PATJ: variants seen among roughly 807,000 people sequenced by gnomAD.
PATJ encodes the protein PATJ crumbs cell polarity complex component, also known as inaD-like protein.
Under a neutral mutation model 224.9 loss-of-function variants are expected in PATJ, and 190 were observed. The ratio of observed to expected loss-of-function variants is 0.84; its 90% CI spans 0.75 to 0.95. The LOEUF is 0.95. Ranked by LOEUF, PATJ falls within the 40% of genes least tolerant of loss-of-function variation. PATJ has a pLI of 0.00. For missense variants in PATJ, 2,121 were observed against 2,270.3 expected, an observed-to-expected ratio of 0.93 and a Z score of 1.34; for synonymous variants, 769 against 820.3, an observed-to-expected ratio of 0.94 and a Z score of 1.07.
At chr1:62,049,979 G>A (rs937182490) in intron 30 of PATJ, among the ~76,000 whole-genome samples, 2 of 152,042 alleles carry the variant, frequency 1.3e-5, no homozygotes, top group East Asian at 3.9e-4. Flanking sequence ...TAGCCCGTGT[G>A]GTGGCATGCA....
chr1:62,023,234 G>T, intron 29 of PATJ, among the ~76,000 whole-genome samples: 1 of 150,350 alleles, frequency 6.7e-6, no homozygotes, highest in Non-Finnish European at 1.5e-5. Context: ...AGGTTGCAGT[G>T]AGCCGAGATC....
Position 62,153,345 on chromosome 1 carries a change from A to C in PATJ, c.5379-13A>C. 2.4e-6 allele frequency: 3 copies of C among 1,230,252 alleles called. No homozygotes were observed. Among genetic ancestry groups the C allele is most frequent in the Non-Finnish European group, 3.0e-6 (3 of 986,322 alleles). The allele number at this position is 1,230,252 out of a possible 1,614,324, so 76.2% of individuals were successfully genotyped here. ...TCTATTCTCGAATTAAACAGCATGC[A>C]TTGTGTTTTCAGAACACCTCCACCT... On this transcript the variant is annotated splice_polypyrimidine_tract_variant and intron_variant, in intron 42 of 43. Transcript: ENST00000642238.
intron 27 of PATJ, among the ~76,000 whole-genome samples, chr1:61,984,491 G>T (rs946114903): frequency 6.6e-6 from 1 of 151,914 alleles, no homozygotes; most frequent in Non-Finnish European, 1.5e-5. Context: ...TAATGTTTCA[G>T]GGTTGGGATT....
intron 27 of PATJ, among the ~76,000 whole-genome samples, chr1:61,936,869 C>G (rs781010962): frequency 1.3e-5 from 2 of 152,100 alleles, no homozygotes; most frequent in Non-Finnish European, 2.9e-5. Context: ...TGAGACCCCA[C>G]GCCTGGCCGA....
intron 22 of PATJ, among the ~76,000 whole-genome samples, chr1:61,896,275 G>A (rs1242846578): frequency 3.6e-5 from 5 of 139,444 alleles, no homozygotes; most frequent in Non-Finnish European, 6.2e-5. Flanking sequence ...CATCCTGGGC[G>A]ACAGAGGGAG....
intron 1 of PATJ, among the ~76,000 whole-genome samples, chr1:61,746,325 G>T (rs1235191907): frequency 1.3e-5 from 2 of 152,170 alleles, no homozygotes; most frequent in South Asian, 4.1e-4. Context: ...CCGTCCTCCC[G>T]ATTTGGCCTG....
Position 62,084,550 on chromosome 1 carries a change from A to G in PATJ, c.4279A>G (p.Thr1427Ala), listed in dbSNP as rs1374631812. 2.2e-5 allele frequency: 35 copies of G among 1,613,298 alleles called. No homozygotes were observed. Among genetic ancestry groups the G allele is most frequent in the Non-Finnish European group, 2.6e-5 (31 of 1,179,808 alleles). ...GGCTCCTCTGTCAGTGGACCCCGCAACGTGTCCCATTGTCCCTGGACAGGA... is the reference window on the plus strand; with the variant it reads ...GGCTCCTCTGTCAGTGGACCCCGCAGCGTGTCCCATTGTCCCTGGACAGGA... ...FQAPLSVDPA[T>A]CPIVPGQEMI... The change falls in exon 33 of 44, where the codon ACG (threonine) becomes GCG (alanine). Residue 1427 changes from threonine (T) to alanine (A), a missense_variant. Thr to Ala is a moderately conservative substitution (Grantham distance 58). Coordinates refer to ENST00000642238, the MANE Select transcript of PATJ (RefSeq NM_001350145.3).
At chr1:62,043,931 T>C (rs1323337903) in intron 30 of PATJ, among the ~76,000 whole-genome samples, 5 of 152,124 alleles carry the variant, frequency 3.3e-5, no homozygotes, top group Non-Finnish European at 4.4e-5. Flanking sequence ...TCTCACTATG[T>C]TGCCCATGCC....
chr1:62,103,889 C>G (rs1662547577), intron 33 of PATJ, among the ~76,000 whole-genome samples: 1 of 152,150 alleles, frequency 6.6e-6, no homozygotes, highest in Admixed American at 6.5e-5. Flanking sequence ...GTCTTCCCCC[C>G]AAGTCCCACG....
Position 62,079,568 on chromosome 1 carries a change from G to T in PATJ, c.4243+1G>T, listed in dbSNP as rs1220736664. ...ACAGATGCAGACTTCACAGGCTATG[G>T]TATGATTCTTTCTCTCAGCAGATCT... On this transcript the variant is annotated splice_donor_variant, in intron 32 of 43. Transcript: ENST00000642238. LOFTEE classifies it high-confidence loss of function. 1 of 1,569,692 alleles carries T rather than the reference G, an allele frequency of 6.4e-7. No individual in the cohort carries two copies. The highest frequency in any genetic ancestry group is 1.1e-5 in the South Asian group (1 of 89,502).
At chr1:61,844,343 C>T (rs549289265) in intron 17 of PATJ, among the ~76,000 whole-genome samples, 1 of 152,254 alleles carries the variant, frequency 6.6e-6, no homozygotes, top group Non-Finnish European at 1.5e-5. Flanking sequence ...TTTTCCTTAA[C>T]TTTCAAATTT....
At chr1:61,836,099 A>T (rs979558902) in intron 17 of PATJ, among the ~76,000 whole-genome samples, 1 of 152,202 alleles carries the variant, frequency 6.6e-6, no homozygotes, top group African/African-American at 2.4e-5. Flanking sequence ...GAAAAACTAG[A>T]TAGTCCTTAA....
In PATJ at chr1:61,908,228, A is replaced by G. The variant is rs147692899; in HGVS notation, c.3382-144A>G. 94 of 586,734 alleles carry G rather than the reference A, an allele frequency of 1.6e-4. No individual in the cohort carries two copies. In the African/African-American group the frequency reaches 1.6e-3, roughly 10 times the overall value. The allele number at this position is 586,734 out of a possible 1,614,324, so 36.3% of individuals were successfully genotyped here. ...TTCTTCTAAAATTGCCAAGCTTTTT[A>G]TGGGCCAATCTTATTTTTTTCTGAC... On this transcript the variant is annotated intron_variant, in intron 24 of 43. Coordinates refer to ENST00000642238, the MANE Select transcript of PATJ (RefSeq NM_001350145.3).
intron 7 of PATJ, among the ~76,000 whole-genome samples, chr1:61,787,066 C>T (rs1169221692): frequency 6.6e-6 from 1 of 152,162 alleles, no homozygotes; most frequent in Non-Finnish European, 1.5e-5. Context: ...AACTGTGAAA[C>T]ACACCCAAGC....
intron 43 of PATJ, 133 bp downstream of exon 43, chr1:62,153,614 T>C (rs145300268): frequency 1.2e-5 from 6 of 486,080 alleles, no homozygotes; most frequent in African/African-American, 2.0e-5. Context: ...TTGAATCTTA[T>C]AGGAAATTCT....
chr1:62,031,172 G>A (rs1229041854), intron 29 of PATJ, among the ~76,000 whole-genome samples: 1 of 152,096 alleles, frequency 6.6e-6, no homozygotes, highest in Non-Finnish European at 1.5e-5. Flanking sequence ...GGTCATTCAC[G>A]TACCCAGGCA....
At chr1:61,838,467 GCCTCAGCCT>G (rs1368515332) in intron 17 of PATJ, among the ~76,000 whole-genome samples, 1 of 150,488 alleles carries the variant, frequency 6.6e-6, no homozygotes, top group Non-Finnish European at 1.5e-5. Context: ...CCATTCTCCT[GCCTCAGCCT>G]CCTGAGTAGC....
intron 26 of PATJ, among the ~76,000 whole-genome samples, chr1:61,919,695 GT>G (rs1405728145): frequency 6.6e-6 from 1 of 151,804 alleles, no homozygotes; most frequent in African/African-American, 2.4e-5. Flanking sequence ...TTGTTTGTTT[GT>G]TTTTGTTTTT....
chr1:61,947,543 C>T (rs1678933152), intron 27 of PATJ, among the ~76,000 whole-genome samples: 2 of 152,034 alleles, frequency 1.3e-5, no homozygotes, highest in South Asian at 2.1e-4. Flanking sequence ...AACTACAAAC[C>T]ACTGCTCAAT....
Sources: gnomAD v4.1 joint callset for allele counts (sites outside exome capture counted in the v4.1 genomes callset) on GRCh38, gnomAD v4.1.1 for gene constraint, MANE v1.5 for transcripts, NCBI Gene and HGNC (gene_info 2026-07-23, HGNC 2026-07-21) for gene names.